The following IFT43 variants were observed in gnomAD, a reference collection of about 807,000 sequenced individuals.
IFT43 encodes intraflagellar transport 43.
In IFT43, 33 loss-of-function variants were observed where a neutral mutation model predicts 32.3. The ratio of observed to expected loss-of-function variants is 1.02; its 90% confidence interval spans 0.77 to 1.37. The LOEUF (loss-of-function observed/expected upper bound fraction) is 1.37, where lower values mean the gene tolerates loss of function less well. IFT43 is among the 40% of genes most tolerant of loss of function. The pLI, the probability that IFT43 is intolerant of heterozygous loss-of-function variation, is 0.00. For synonymous variants in IFT43, 93 were observed against 98.2 expected (o/e 0.95, Z 0.31); for missense variants, 274 against 265.9 (o/e 1.03, Z -0.21).
intron 5 of IFT43, among the ~76,000 whole-genome samples, chr14:76,076,040 G>A (rs896872744): frequency 3.1e-4 from 47 of 152,356 alleles, no homozygotes; most frequent in African/African-American, 1.1e-3. Flanking sequence ...TGTCCAGATC[G>A]CTTTCATGTG....
intron 5 of IFT43, among the ~76,000 whole-genome samples, chr14:76,064,652 G>A (rs1316911370): frequency 2.6e-5 from 4 of 152,170 alleles, no homozygotes; most frequent in South Asian, 2.1e-4. Flanking sequence ...CCTGCAGGAC[G>A]TCTTCTTTGG....
chr14:76,011,705 A>G (rs986933442), intron 2 of IFT43, among the ~76,000 whole-genome samples: 5 of 152,110 alleles, frequency 3.3e-5, no homozygotes, highest in African/African-American at 1.2e-4. Context: ...TGAGAGAACT[A>G]TGTTTATTCA....
At chr14:76,022,937 T>C (rs2036321972) in intron 3 of IFT43, among the ~76,000 whole-genome samples, 2 of 152,226 alleles carry the variant, frequency 1.3e-5, no homozygotes, top group Admixed American at 1.3e-4. Context: ...AGGGGAACAA[T>C]ACAGATGTCC....
chr14:76,057,602 A>C (rs1409961575), intron 3 of IFT43, among the ~76,000 whole-genome samples: 1 of 151,372 alleles, frequency 6.6e-6, no homozygotes, highest in Non-Finnish European at 1.5e-5. Flanking sequence ...AGGGGGAGTT[A>C]TTTGCGTTTT....
intron 5 of IFT43, among the ~76,000 whole-genome samples, chr14:76,076,418 G>C (rs1381974302): frequency 1.3e-5 from 2 of 152,192 alleles, no homozygotes; most frequent in African/African-American, 4.8e-5. Context: ...TTACAGAGAG[G>C]AAAAAGCTCC....
chr14:76,011,760 C>T (rs1353965667), intron 2 of IFT43, among the ~76,000 whole-genome samples: 2 of 152,118 alleles, frequency 1.3e-5, no homozygotes, highest in African/African-American at 2.4e-5. Flanking sequence ...CCTTCCATGA[C>T]CTTAAATCTA....
Position 76,083,241 on chromosome 14 carries a change from C to A in IFT43, c.459C>A (p.Asp153Glu), listed in dbSNP as rs778799892. 1.1e-5 allele frequency: 17 copies of A among 1,614,000 alleles called. No homozygotes were observed. In the African/African-American group the frequency reaches 2.1e-4, roughly 20 times the overall value. Residue 153 changes from aspartate (D) to glutamate (E), a missense_variant, in exon 8 of 9, where the codon GAC (aspartate) becomes GAA (glutamate). Asp to Glu is a conservative substitution (Grantham distance 45). Transcript: ENST00000314067. ...SAIQTLDGEI[D>E]LKLLTKVLAP... is the part of the protein sequence containing the mutation. ...TGCATTCACAGGATGGGGAGATCGACCTGAAACTCCTCACCAAAGTGCTCG... is the reference window on the plus strand; with the variant it reads ...TGCATTCACAGGATGGGGAGATCGAACTGAAACTCCTCACCAAAGTGCTCG...
At chr14:76,017,546 G>T (rs1172999719) in intron 2 of IFT43, among the ~76,000 whole-genome samples, 1 of 152,064 alleles carries the variant, frequency 6.6e-6, no homozygotes, top group Non-Finnish European at 1.5e-5. Flanking sequence ...TCTGGTTTTG[G>T]TGTCAGAGTA....
At chr14:76,065,182 A>G (rs547635576) in intron 5 of IFT43, among the ~76,000 whole-genome samples, 6 of 152,322 alleles carry the variant, frequency 3.9e-5, no homozygotes, top group Middle Eastern at 3.4e-3. Flanking sequence ...ACTCAAAGAG[A>G]GAAACTCTGG....
intron 2 of IFT43, among the ~76,000 whole-genome samples, chr14:76,015,803 A>G (rs577752776): frequency 2.7e-4 from 41 of 152,324 alleles, no homozygotes; most frequent in Admixed American, 1.3e-3. Context: ...CTCTTAGGGA[A>G]TGCTATTAAC....
Position 76,083,544 on chromosome 14 carries a change from G to A in IFT43, c.594G>A (p.Lys198=), listed in dbSNP as rs2037555180. 1 of 1,614,052 alleles carries A rather than the reference G, an allele frequency of 6.2e-7. No individual in the cohort carries two copies. Among genetic ancestry groups the A allele is most frequent in the Non-Finnish European group, 8.5e-7 (1 of 1,180,042 alleles). ...AGTGGGACCCACTGCAGACGGAGAA[G>A]GAGGACCCTGCGGGGCAGGCCAGGC... ...LTEWDPLQTE[K]EDPAGQARHT Residue 198 remains lysine, a synonymous_variant, in exon 9 of 9, where the codon AAG becomes AAA. Coordinates refer to ENST00000314067, the MANE Select transcript of IFT43 (RefSeq NM_001102564.3).
At chr14:76,035,019 G>T (rs2036572924) in intron 3 of IFT43, among the ~76,000 whole-genome samples, 1 of 152,164 alleles carries the variant, frequency 6.6e-6, no homozygotes, top group South Asian at 2.1e-4. Flanking sequence ...CTGTTTTTGG[G>T]TTTGTCCCTG....
At chr14:76,078,270 A>G (rs2037446182) in intron 5 of IFT43, among the ~76,000 whole-genome samples, 1 of 152,256 alleles carries the variant, frequency 6.6e-6, no homozygotes, top group African/African-American at 2.4e-5. Flanking sequence ...TTTCTATAGC[A>G]TTTGAATTTA....
chr14:76,003,320 A>C (rs1388633785), intron 2 of IFT43, among the ~76,000 whole-genome samples: 1 of 151,836 alleles, frequency 6.6e-6, no homozygotes, highest in Non-Finnish European at 1.5e-5. Flanking sequence ...CACTGGTTAC[A>C]TAGAGTTAAT....
intron 2 of IFT43, among the ~76,000 whole-genome samples, chr14:76,019,606 T>C (rs945637351): frequency 3.3e-5 from 5 of 152,186 alleles, no homozygotes; most frequent in Non-Finnish European, 7.3e-5. Context: ...TCTGAATATC[T>C]ATATCTCTTT....
chr14:75,992,509 A>G (rs966570248), intron 2 of IFT43, among the ~76,000 whole-genome samples: 2 of 152,134 alleles, frequency 1.3e-5, no homozygotes, highest in Admixed American at 6.5e-5. Flanking sequence ...TCATTTATCC[A>G]TAGGTTGGCT....
chr14:76,031,609 GAAATAAGA>G (rs199645580), intron 3 of IFT43, among the ~76,000 whole-genome samples: 2,128 of 152,216 alleles, frequency 0.014, 57 homozygotes, highest in African/African-American at 0.044. Context: ...AATTTATTTT[GAAATAAGA>G]AAATAAGACA....
intron 3 of IFT43, among the ~76,000 whole-genome samples, chr14:76,050,820 G>A (rs11626936): frequency 0.32 from 48,534 of 151,544 alleles, 7,760 homozygotes; most frequent in Admixed American, 0.34. Flanking sequence ...CATTTGAGAG[G>A]GCTAAAACCT....
intron 3 of IFT43, among the ~76,000 whole-genome samples, chr14:76,031,207 C>G (rs1274882632): frequency 6.6e-6 from 1 of 151,966 alleles, no homozygotes; most frequent in Non-Finnish European, 1.5e-5. Context: ...AATACAGCCA[C>G]ACCCTTTCAT....
Sources: gnomAD v4.1 joint callset for allele counts (sites outside exome capture counted in the v4.1 genomes callset) on GRCh38, gnomAD v4.1.1 for gene constraint, MANE v1.5 for transcripts, NCBI Gene and HGNC (gene_info 2026-07-23, HGNC 2026-07-21) for gene names.